GMDS: variants seen among roughly 807,000 people sequenced by gnomAD.
GMDS encodes the protein GDP-mannose 4,6-dehydratase, also known as GDP-mannose 4,6 dehydratase.
A neutral mutation model predicts 49.9 loss-of-function variants in GMDS; 20 were observed. The observed-to-expected ratio is 0.40, with a 90% CI of 0.28 to 0.58. The LOEUF is 0.58. GMDS is among the 20% of genes least tolerant of loss of function. GMDS has a pLI of 0.42. For missense variants in GMDS, 362 were observed against 481.4 expected (o/e 0.75, Z 2.32); for synonymous variants, 177 against 178.6 (o/e 0.99, Z 0.07).
chr6:2,060,956 G>A (rs944082629), intron 4 of GMDS, among the ~76,000 whole-genome samples: 1 of 152,008 alleles, frequency 6.6e-6, no homozygotes, highest in African/African-American at 2.4e-5. Flanking sequence ...GGACATGGAG[G>A]TTGCGGTGAG....
At chr6:2,076,184 T>G (rs1772326443) in intron 4 of GMDS, among the ~76,000 whole-genome samples, 1 of 152,200 alleles carries the variant, frequency 6.6e-6, no homozygotes, top group Admixed American at 6.5e-5. Flanking sequence ...TGCAAAAATT[T>G]TCTCCCATTC....
At chr6:2,158,598 A>C (rs1777224572) in intron 1 of GMDS, among the ~76,000 whole-genome samples, 1 of 152,232 alleles carries the variant, frequency 6.6e-6, no homozygotes, top group Admixed American at 6.5e-5. Context: ...TCACAAATCA[A>C]AACTGCTCAC....
At chr6:1,708,194 C>T (rs1765806127) in intron 9 of GMDS, among the ~76,000 whole-genome samples, 1 of 152,208 alleles carries the variant, frequency 6.6e-6, no homozygotes, top group South Asian at 2.1e-4. Context: ...TGCTCACCAT[C>T]CACAGAAAAG....
At chr6:2,187,700 C>T (rs1195713811) in intron 1 of GMDS, among the ~76,000 whole-genome samples, 2 of 152,172 alleles carry the variant, frequency 1.3e-5, no homozygotes, top group East Asian at 3.8e-4. Flanking sequence ...AGACTTAAAC[C>T]CTAGGCTGTG....
At chr6:2,000,595 T>C (rs769566926) in intron 4 of GMDS, among the ~76,000 whole-genome samples, 3 of 152,222 alleles carry the variant, frequency 2.0e-5, no homozygotes, top group Non-Finnish European at 1.5e-5. Context: ...TATTGGAGCA[T>C]GTATCACTAC....
At chr6:2,087,134 T>C (rs1029067062) in intron 4 of GMDS, among the ~76,000 whole-genome samples, 9 of 152,174 alleles carry the variant, frequency 5.9e-5, no homozygotes, top group African/African-American at 2.2e-4. Context: ...TCACACAACA[T>C]AGATGCCACC....
At chr6:1,680,713 A>G (rs1407523325) in intron 9 of GMDS, among the ~76,000 whole-genome samples, 1 of 152,228 alleles carries the variant, frequency 6.6e-6, no homozygotes, top group African/African-American at 2.4e-5. Flanking sequence ...CCAGAGCCAC[A>G]TAATGGTTTG....
At chr6:1,999,057 C>T (rs2127376862) in intron 4 of GMDS, among the ~76,000 whole-genome samples, 1 of 152,212 alleles carries the variant, frequency 6.6e-6, no homozygotes, top group East Asian at 1.9e-4. Context: ...GGTGCGGTGG[C>T]TCACGCCTGT....
At chr6:2,027,379 C>A (rs1271474212) in intron 4 of GMDS, among the ~76,000 whole-genome samples, 2 of 152,168 alleles carry the variant, frequency 1.3e-5, no homozygotes, top group South Asian at 2.1e-4. Context: ...TTAATATTTT[C>A]TTTTCCTTTG....
Position 2,094,914 on chromosome 6 carries a change from C to A in GMDS, c.345+20857G>T, listed in dbSNP as rs150630098. On this transcript the variant is annotated intron_variant, in intron 4 of 10. Transcript: ENST00000380815. Reference sequence around the variant, plus strand: ...TGCTACATTTCTTGATGTGTTAAACCAACGGAGGCACAGTATGGGAAGCAC... The same window carrying A: ...TGCTACATTTCTTGATGTGTTAAACAAACGGAGGCACAGTATGGGAAGCAC... 2.6e-4 allele frequency among the ~76,000 whole-genome samples: 39 copies of A among 152,206 alleles called. No homozygotes were observed. The East Asian group carries it at 7.5e-3, about 29-fold the overall frequency.
At chr6:1,806,438 G>GC (rs1770179007) in intron 7 of GMDS, among the ~76,000 whole-genome samples, 1 of 106,864 alleles carries the variant, frequency 9.4e-6, no homozygotes, top group Non-Finnish European at 1.8e-5. Flanking sequence ...GAGCACATGG[G>GC]AACACACACA....
intron 7 of GMDS, among the ~76,000 whole-genome samples, chr6:1,807,043 A>G (rs1463297789): frequency 6.6e-6 from 1 of 152,064 alleles, no homozygotes; most frequent in Admixed American, 6.6e-5. Context: ...GCATTTTCAG[A>G]ATTATAATTT....
intron 7 of GMDS, among the ~76,000 whole-genome samples, chr6:1,826,569 A>G (rs1170033310): frequency 2.0e-5 from 3 of 152,238 alleles, no homozygotes; most frequent in Non-Finnish European, 4.4e-5. Context: ...TTGTCAATAT[A>G]GTTATAAACT....
intron 4 of GMDS, among the ~76,000 whole-genome samples, chr6:2,062,239 G>C (rs1161086465): frequency 6.6e-6 from 1 of 152,208 alleles, no homozygotes; most frequent in Non-Finnish European, 1.5e-5. Flanking sequence ...GGGCACCTGA[G>C]AGTCCTGCAT....
At chr6:2,043,165 C>G (rs1237849618) in intron 4 of GMDS, among the ~76,000 whole-genome samples, 2 of 152,208 alleles carry the variant, frequency 1.3e-5, no homozygotes, top group Non-Finnish European at 2.9e-5. Flanking sequence ...GGTTTGCCCA[C>G]AGTGACAGCT....
chr6:2,203,088 C>T (rs1370027939), intron 1 of GMDS, among the ~76,000 whole-genome samples: 1 of 152,136 alleles, frequency 6.6e-6, no homozygotes, highest in African/African-American at 2.4e-5. Context: ...TCATAGGAAG[C>T]CTGTTAATCA....
At chr6:1,750,590 G>C (rs140477306) in intron 7 of GMDS, among the ~76,000 whole-genome samples, 226 of 152,314 alleles carry the variant, frequency 1.5e-3, no homozygotes, top group African/African-American at 5.3e-3. Context: ...GCAACCCACA[G>C]ACCAGGAGAT....
At chr6:2,211,943 G>A (rs1393622972) in intron 1 of GMDS, among the ~76,000 whole-genome samples, 4 of 152,096 alleles carry the variant, frequency 2.6e-5, no homozygotes, top group East Asian at 1.9e-4. Context: ...TCACAGTTTC[G>A]TCACCTAAAA....
At chr6:1,718,124 G>C (rs1009323125) in intron 9 of GMDS, among the ~76,000 whole-genome samples, 2 of 152,020 alleles carry the variant, frequency 1.3e-5, no homozygotes, top group African/African-American at 2.4e-5. Context: ...TCTGCGACCA[G>C]CTCCCTGTGC....
Sources: gnomAD v4.1 joint callset for allele counts (sites outside exome capture counted in the v4.1 genomes callset) on GRCh38, gnomAD v4.1.1 for gene constraint, MANE v1.5 for transcripts, NCBI Gene and HGNC (gene_info 2026-07-23, HGNC 2026-07-21) for gene names.